The following GALR1 variants were observed in gnomAD, a reference collection of about 807,000 sequenced individuals.
The protein encoded by GALR1 is galanin receptor type 1.
Under a neutral mutation model 17.9 loss-of-function variants are expected in GALR1, and 11 were observed. The ratio of observed to expected loss-of-function variants is 0.62; its 90% CI spans 0.39 to 1.02. The LOEUF is 1.02. Among genes scored for constraint, GALR1 ranks in the 50% least tolerant of loss-of-function variants. The probability of loss-of-function intolerance (pLI) is 0.01; values close to 1 mark genes in which losing one functional copy is unlikely to be tolerated. For synonymous variants in GALR1, 206 were observed against 205.7 expected, an observed-to-expected ratio of 1.00 and a Z score of -0.01; for missense variants, 441 against 456.9, an observed-to-expected ratio of 0.97 and a Z score of 0.32.
rs1913116850 is a variant in GALR1 at position 77,274,402 on chromosome 18, T to G, written c.*5500T>G. ...TGCAGGCAAAGCTCTCAGGGCCCCATTTGTGTTTGTGTGGCCTGCACTGTG... is the reference window on the plus strand; with the variant it reads ...TGCAGGCAAAGCTCTCAGGGCCCCAGTTGTGTTTGTGTGGCCTGCACTGTG... On this transcript the variant is annotated 3_prime_UTR_variant, in exon 3 of 3. Coordinates refer to ENST00000299727, the MANE Select transcript of GALR1 (RefSeq NM_001480.4). 1 of 152,130 alleles carries G rather than the reference T, an allele frequency of 6.6e-6. No homozygotes were observed. Among genetic ancestry groups the G allele is most frequent in the Non-Finnish European group, 1.5e-5 (1 of 68,016 alleles). The allele number at this position is 152,130 out of a possible 1,614,324, so 9.4% of individuals were successfully genotyped here. A position where few individuals can be genotyped will look rare whatever the true frequency, so the allele number is the denominator to read the frequency against.
chr18:77,267,830 G>A (rs929908636), intron 2 of GALR1, among the ~76,000 whole-genome samples: 9 of 152,096 alleles, frequency 5.9e-5, no homozygotes, highest in Non-Finnish European at 7.4e-5. Flanking sequence ...AGTGGAGGAG[G>A]CCATGGCCAT....
rs1388165815 is a variant in GALR1, at chr18:77,271,121, T to C, written c.*2219T>C. ...TAAATGGAAGTATTTAAAAAAATAC[T>C]GTAGCTAATGTTGCTATTTTCTAGA... On this transcript the variant is annotated 3_prime_UTR_variant, in exon 3 of 3. Transcript: ENST00000299727. 2 of 152,198 alleles carry C rather than the reference T, an allele frequency of 1.3e-5. No individual in the cohort carries two copies. Among genetic ancestry groups the C allele is most frequent in the Non-Finnish European group, 2.9e-5 (2 of 68,038 alleles). The allele number at this position is 152,198 out of a possible 1,614,324, so 9.4% of individuals were successfully genotyped here.
intron 2 of GALR1, among the ~76,000 whole-genome samples, chr18:77,260,960 T>A (rs1196131160): frequency 6.6e-6 from 1 of 151,758 alleles, no homozygotes; most frequent in African/African-American, 2.4e-5. Context: ...CTTAAAGTAA[T>A]TCAGTAAGGT....
In GALR1 at chr18:77,270,908, C is replaced by T. The variant is rs760527865; in HGVS notation, c.*2006C>T. On this transcript the variant is annotated 3_prime_UTR_variant, in exon 3 of 3. Transcript: ENST00000299727. Reference sequence around the variant, plus strand: ...TAGGAGCAGAAAAATTTTATCCTGACGATGATACTTCCTGTGATTTGTGGA... The same window carrying T: ...TAGGAGCAGAAAAATTTTATCCTGATGATGATACTTCCTGTGATTTGTGGA... 3 of 152,230 alleles carry T rather than the reference C, an allele frequency of 2.0e-5. No individual in the cohort carries two copies. The highest frequency in any genetic ancestry group is 1.3e-4 in the Admixed American group (2 of 15,304). 9.4% of individuals were successfully genotyped at this position (152,230 alleles called of 1,614,324 possible).
chr18:77,271,246 A>ATGGGCC lies in GALR1; in HGVS notation c.*2344_*2345insTGGGCC. The ATGGGCC allele has an allele frequency of 1.3e-5, 1 of 77,986 alleles. No individual in the cohort carries two copies. The highest frequency in any genetic ancestry group is 3.4e-4 in the East Asian group (1 of 2,918). The allele number at this position is 77,986 out of a possible 1,614,324, so 4.8% of individuals were successfully genotyped here. On this transcript the variant is annotated 3_prime_UTR_variant, in exon 3 of 3. Transcript: ENST00000299727. ...CAAAAAGTAATAGCTTGCGCTTGAA[A>ATGGGCC]CCCCCCCCCCCCCGCCACTTTGCTA... is the stretch of plus-strand genomic sequence containing the variant.
Position 77,250,404 on chromosome 18 carries a change from G to C in GALR1, c.-145G>C, listed in dbSNP as rs1350480199. 2.3e-6 allele frequency: 2 copies of C among 869,330 alleles called. No homozygotes were observed. The highest frequency in any genetic ancestry group is 3.2e-6 in the Non-Finnish European group (2 of 620,330). 53.9% of individuals were successfully genotyped at this position (869,330 alleles called of 1,614,324 possible). A position where few individuals can be genotyped will look rare whatever the true frequency, so the allele number is the denominator to read the frequency against. On this transcript the variant is annotated 5_prime_UTR_variant, in exon 1 of 3. Transcript: ENST00000299727. ...GCACGGCCACCGGATCCCCGCTCCC[G>C]CTGGCTCGCGCCTCGGGGGAAGCTC...
intron 1 of GALR1, among the ~76,000 whole-genome samples, chr18:77,255,553 C>A (rs2717159): frequency 0.91 from 138,932 of 152,140 alleles, 63,556 homozygotes; most frequent in East Asian, 0.97. Context: ...ATTTGCCATA[C>A]GGAGAATTGC....
chr18:77,261,562 C>G (rs1912831095), intron 2 of GALR1, among the ~76,000 whole-genome samples: 2 of 152,134 alleles, frequency 1.3e-5, no homozygotes, highest in South Asian at 4.1e-4. Flanking sequence ...TTCTTGCAGT[C>G]CTGGAGTTTG....
In GALR1 at chr18:77,276,776, A is replaced by T. The variant is rs1473148133; in HGVS notation, c.*7874A>T. 1.3e-5 allele frequency: 2 copies of T among 152,216 alleles called. No homozygotes were observed. Among genetic ancestry groups the T allele is most frequent in the African/African-American group, 2.4e-5 (1 of 41,458 alleles). 9.4% of individuals were successfully genotyped at this position (152,216 alleles called of 1,614,324 possible). The stretch of plus-strand genomic sequence containing the variant: ...TTTACATGGAATTTAAATCATTCAG[A>T]ATTTTTATTGCTTACATTGATCAGA... On this transcript the variant is annotated 3_prime_UTR_variant, in exon 3 of 3. Coordinates refer to ENST00000299727, the MANE Select transcript of GALR1 (RefSeq NM_001480.4).
Position 77,268,904 on chromosome 18 carries a change from A to C in GALR1, c.*2A>C. The C allele has an allele frequency of 1.2e-6, 2 of 1,602,954 alleles. No individual in the cohort carries two copies. The highest frequency in any genetic ancestry group is 1.7e-6 in the Non-Finnish European group (2 of 1,170,762). On this transcript the variant is annotated 3_prime_UTR_variant, in exon 3 of 3. Coordinates refer to ENST00000299727, the MANE Select transcript of GALR1 (RefSeq NM_001480.4). Reference sequence around the variant, plus strand: ...TCAACCAATTGTACTCATGTGTGATAAAAGATAGAGTATCCTTATGGTTGA... The same window carrying C: ...TCAACCAATTGTACTCATGTGTGATCAAAGATAGAGTATCCTTATGGTTGA...
rs570383000 is a variant in GALR1 at position 77,260,432 on chromosome 18, A to G, written c.732+4209A>G. On this transcript the variant is annotated intron_variant, in intron 2 of 2. Transcript: ENST00000299727. ...GTGTGAGGCAGCTCTCTAGGCCCCCATTCATAAGGGCACGGATCCCATTAT... is the reference window on the plus strand; with the variant it reads ...GTGTGAGGCAGCTCTCTAGGCCCCCGTTCATAAGGGCACGGATCCCATTAT... Among the ~76,000 whole-genome samples the G allele has an allele frequency of 5.3e-5, 8 of 152,244 alleles. No individual in the cohort carries two copies. The South Asian group carries it at 8.3e-4, about 16-fold the overall frequency.
Position 77,269,847 on chromosome 18 carries a change from G to A in GALR1, c.*945G>A, listed in dbSNP as rs1331514426. 6.6e-6 allele frequency: 1 copy of A among 152,102 alleles called. No homozygotes were observed. Among genetic ancestry groups the A allele is most frequent in the African/African-American group, 2.4e-5 (1 of 41,398 alleles). 9.4% of individuals were successfully genotyped at this position (152,102 alleles called of 1,614,324 possible). A position where few individuals can be genotyped will look rare whatever the true frequency, so the allele number is the denominator to read the frequency against. ...ATTCAGTAAGTCACATGAAGTAATG[G>A]TCATGCCTGTACATAAAGCATATTT... On this transcript the variant is annotated 3_prime_UTR_variant, in exon 3 of 3. Transcript: ENST00000299727.
At position 77,250,993 on chromosome 18, in the gene GALR1, T is replaced by A. The variant is rs1450515074; in HGVS notation, c.445T>A (p.Ser149Thr). Residue 149 changes from serine to threonine, a missense_variant, in exon 1 of 3, where the codon TCC becomes ACC. By Grantham distance (58) the Ser-to-Thr change is moderately conservative (BLOSUM62 1). Coordinates refer to ENST00000299727, the MANE Select transcript of GALR1 (RefSeq NM_001480.4). Reference sequence around the variant, plus strand: ...GCGGCGCTCCTCCTCCCTCAGGGTGTCCCGCAACGCGCTGCTGGGCGTGGG... The same window carrying A: ...GCGGCGCTCCTCCTCCCTCAGGGTGACCCGCAACGCGCTGCTGGGCGTGGG... ...HSRRSSSLRV[S>T]RNALLGVGCI... 8 of 1,604,460 alleles carry A rather than the reference T, an allele frequency of 5.0e-6. No homozygotes were observed. Among genetic ancestry groups the A allele is most frequent in the Admixed American group, 1.7e-5 (1 of 60,002 alleles).
chr18:77,252,875 C>CCAT (rs1912457669), intron 1 of GALR1, among the ~76,000 whole-genome samples: 3 of 100,174 alleles, frequency 3.0e-5, no homozygotes, highest in Admixed American at 1.1e-4. Context: ...ACCACCACCA[C>CCAT]CACCATCACC....
intron 2 of GALR1, among the ~76,000 whole-genome samples, chr18:77,260,303 T>C (rs1912802457): frequency 6.6e-6 from 1 of 152,066 alleles, no homozygotes; most frequent in East Asian, 1.9e-4. Flanking sequence ...GCGCCCTCTT[T>C]CATAAGGGGA....
chr18:77,261,262 A>G (rs1332992176), intron 2 of GALR1, among the ~76,000 whole-genome samples: 1 of 152,258 alleles, frequency 6.6e-6, no homozygotes, highest in Non-Finnish European at 1.5e-5. Context: ...ATAATTTTAA[A>G]CAATAATTTT....
chr18:77,261,472 GTA>G (rs776859433), intron 2 of GALR1, among the ~76,000 whole-genome samples: 1 of 152,184 alleles, frequency 6.6e-6, no homozygotes, highest in Non-Finnish European at 1.5e-5. Flanking sequence ...TCTCTGCGCT[GTA>G]TCCACTGGTC....
chr18:77,260,413 G>A (rs1428893383), intron 2 of GALR1, among the ~76,000 whole-genome samples: 1 of 152,262 alleles, frequency 6.6e-6, no homozygotes, highest in Non-Finnish European at 1.5e-5. Context: ...GGAGGTGTGA[G>A]GCAGCTCTCT....
At chr18:77,252,889 A>G in intron 1 of GALR1, among the ~76,000 whole-genome samples, 1 of 117,506 alleles carries the variant, frequency 8.5e-6, no homozygotes, top group Non-Finnish European at 1.9e-5. Flanking sequence ...CATCACCACC[A>G]CCACCATCAC....
Sources: allele counts gnomAD v4.1 joint callset (sites outside exome capture counted in the v4.1 genomes callset), GRCh38; gene constraint gnomAD v4.1.1; transcripts MANE v1.5; gene names NCBI Gene and HGNC (gene_info 2026-07-23, HGNC 2026-07-21).